Variants in GLI3 observed in about 807,000 individuals in gnomAD.
GLI3 encodes the protein GLI family zinc finger 3, also known as transcription activator GLI3.
Under a neutral mutation model 100.8 loss-of-function variants are expected in GLI3, and 20 were observed. The ratio of observed to expected loss-of-function variants is 0.20; its 90% confidence interval spans 0.14 to 0.29. The LOEUF (loss-of-function observed/expected upper bound fraction) is 0.29, where lower values mean the gene tolerates loss of function less well. GLI3 is among the 10% of genes least tolerant of loss of function. GLI3 has a pLI of 1.00. For missense variants in GLI3, 2,040 were observed against 2,128.5 expected (o/e 0.96, Z 0.82); for synonymous variants, 938 against 860.5 (o/e 1.09, Z -1.58).
chr7:41,999,861 G>GA (rs1351985198), intron 10 of GLI3, among the ~76,000 whole-genome samples: 1 of 152,100 alleles, frequency 6.6e-6, no homozygotes, highest in East Asian at 1.9e-4. Context: ...TACAGAATCA[G>GA]AAAAAAAGAG....
intron 10 of GLI3, among the ~76,000 whole-genome samples, chr7:41,984,993 G>A (rs1280499363): frequency 6.6e-6 from 1 of 152,186 alleles, no homozygotes; most frequent in East Asian, 1.9e-4. Flanking sequence ...TAGAATAAGG[G>A]CTTAGAAAGC....
At chr7:42,009,858 C>G (rs1788563757) in intron 10 of GLI3, among the ~76,000 whole-genome samples, 1 of 152,182 alleles carries the variant, frequency 6.6e-6, no homozygotes. Flanking sequence ...GATGTGCCTC[C>G]CCGTTCCTGG....
At chr7:42,025,996 G>A (rs1188148755) in intron 8 of GLI3, among the ~76,000 whole-genome samples, 1 of 152,180 alleles carries the variant, frequency 6.6e-6, no homozygotes, top group African/African-American at 2.4e-5. Context: ...AAATGACCCT[G>A]GGGGAAAAAA....
Position 42,261,551 on chromosome 7 carries a change from TG to T in GLI3, c.-43+2442del, listed in dbSNP as rs557914470. On this transcript the variant is annotated intron_variant, in intron 1 of 2. Transcript: ENST00000678978. Reference sequence around the variant, plus strand: ...GAGTCCCATTCTCATGAAACTTAGTTGGGGGAGTTACACAAGAAGTAAACAA... The same window carrying T: ...GAGTCCCATTCTCATGAAACTTAGTTGGGGAGTTACACAAGAAGTAAACAA... Among the ~76,000 whole-genome samples the T allele has an allele frequency of 3.3e-5, 5 of 152,272 alleles. No individual in the cohort carries two copies. In the East Asian group the frequency reaches 9.7e-4, roughly 29 times the overall value.
chr7:42,135,840 C>T (rs1459620681), intron 3 of GLI3, among the ~76,000 whole-genome samples: 1 of 151,470 alleles, frequency 6.6e-6, no homozygotes, highest in African/African-American at 2.4e-5. Context: ...ACCAAGATGC[C>T]TTTGTGGAAA....
chr7:42,026,271 C>T lies in GLI3; in HGVS notation c.1170G>A (p.Gln390=). The part of the protein sequence containing the change: ...LIHPAPTFPT[Q]RPIPGIPTVL... ...CCGTAGGGATCCCTGGAATAGGCCT[C>T]TGTGTTGGAAAAGTTGGGGCAGGGT... is the stretch of plus-strand genomic sequence containing the variant. The change falls in exon 8 of 15, where the codon CAG becomes CAA. Residue 390 remains glutamine (Q), a synonymous_variant. Transcript: ENST00000395925. 6.2e-7 allele frequency: 1 copy of T among 1,614,060 alleles called. No homozygotes were observed. Among genetic ancestry groups the T allele is most frequent in the Non-Finnish European group, 8.5e-7 (1 of 1,180,000 alleles).
intron 10 of GLI3, among the ~76,000 whole-genome samples, chr7:41,987,187 G>A (rs1420175859): frequency 1.3e-5 from 2 of 151,882 alleles, no homozygotes; most frequent in Non-Finnish European, 2.9e-5. Context: ...GAGACAGAGT[G>A]AGACAGAGTC....
At chr7:42,191,576 C>T (rs1787827853) in intron 2 of GLI3, among the ~76,000 whole-genome samples, 1 of 151,104 alleles carries the variant, frequency 6.6e-6, no homozygotes, top group African/African-American at 2.4e-5. Context: ...CGCTTGAACT[C>T]GGGAGGCAGA....
intron 10 of GLI3, among the ~76,000 whole-genome samples, chr7:41,986,711 G>A (rs1787832807): frequency 6.6e-6 from 1 of 152,094 alleles, no homozygotes; most frequent in African/African-American, 2.4e-5. Context: ...TTTCTTTGTA[G>A]GGTAAGGAAA....
rs1787126751 is a variant in GLI3 at position 41,965,165 on chromosome 7, T to G, written c.3908A>C (p.Glu1303Ala). ...GCCATTCACCATGCTGCCAGCTGACTCATTTGGCGCTACCGGCAGGCCGAA... is the reference window on the plus strand; with the variant it reads ...GCCATTCACCATGCTGCCAGCTGACGCATTTGGCGCTACCGGCAGGCCGAA... ...LNFGLPVAPN[E>A]SAGSMVNGMQ... Residue 1303 changes from glutamate (E) to alanine (A), a missense_variant, in exon 15 of 15, where the codon GAG becomes GCG. By Grantham distance (107) the Glu-to-Ala change is moderately radical. Around this residue, in one of 5 missense-constraint regions of GLI3, gnomAD observed 1,041 missense variants for 924.0 expected, o/e 1.13. Coordinates refer to ENST00000395925, the MANE Select transcript of GLI3 (RefSeq NM_000168.6). 1.2e-6 allele frequency: 2 copies of G among 1,613,854 alleles called. No individual in the cohort carries two copies. Among genetic ancestry groups the G allele is most frequent in the African/African-American group, 1.3e-5 (1 of 74,944 alleles).
chr7:42,089,284 C>T (rs181145003), intron 3 of GLI3, among the ~76,000 whole-genome samples: 1 of 152,302 alleles, frequency 6.6e-6, no homozygotes, highest in Admixed American at 6.5e-5. Context: ...GAGGGTGTGG[C>T]CTACACTCAT....
chr7:42,122,334 G>C (rs1270562626), intron 3 of GLI3, among the ~76,000 whole-genome samples: 1 of 141,286 alleles, frequency 7.1e-6, no homozygotes, highest in African/African-American at 2.7e-5. Context: ...ATTTTTATTA[G>C]AGAAGAACCA....
intron 11 of GLI3, 135 bp from the exon 12 acceptor site, chr7:41,977,857 A>G (rs1276919380): frequency 2.0e-5 from 16 of 782,816 alleles, no homozygotes; most frequent in Middle Eastern, 2.5e-4. Flanking sequence ...CAAAAAGTCC[A>G]CTAAACTCTG....
chr7:42,068,698 A>G (rs192150265), intron 4 of GLI3, among the ~76,000 whole-genome samples: 17 of 152,320 alleles, frequency 1.1e-4, no homozygotes, highest in Admixed American at 3.9e-4. Context: ...CCCCGAGGAA[A>G]GGTCTGAAAT....
In GLI3 at chr7:42,025,148, G is replaced by T. The variant is rs1022259976; in HGVS notation, c.1356+116C>A. ...GAGTACGGCCAAGGTCAACAATGCA[G>T]TGGACAAGGAACTGCCGTGAAAAAG... On this transcript the variant is annotated intron_variant, in intron 9 of 14. Transcript: ENST00000395925. 5 of 721,424 alleles carry T rather than the reference G, an allele frequency of 6.9e-6. No homozygotes were observed. The African/African-American group carries it at 8.7e-5, about 13-fold the overall frequency. The allele number at this position is 721,424 out of a possible 1,614,324, so 44.7% of individuals were successfully genotyped here.
At chr7:42,038,336 C>T (rs147261662) in intron 7 of GLI3, among the ~76,000 whole-genome samples, 1 of 152,226 alleles carries the variant, frequency 6.6e-6, no homozygotes. Flanking sequence ...TCAGCTCCCC[C>T]TGAAACTTCA....
chr7:42,021,354 C>T (rs563800339), intron 10 of GLI3, among the ~76,000 whole-genome samples: 10 of 152,174 alleles, frequency 6.6e-5, no homozygotes, highest in East Asian at 3.9e-4. Context: ...TGTATATGTG[C>T]GCATTCATAT....
intron 1 of GLI3, among the ~76,000 whole-genome samples, chr7:42,229,029 C>G (rs1290712860): frequency 2.6e-5 from 4 of 152,158 alleles, no homozygotes; most frequent in African/African-American, 4.8e-5. Flanking sequence ...ATTCCTTTAT[C>G]GTTTAAACAC....
upstream of GLI3, among the ~76,000 whole-genome samples, chr7:42,238,672 G>T (rs775723800): frequency 6.6e-6 from 1 of 151,996 alleles, no homozygotes; most frequent in African/African-American, 2.4e-5. Flanking sequence ...AAGTTATTTG[G>T]CCTCCTTCCT....
Sources: allele counts gnomAD v4.1 joint callset (sites outside exome capture counted in the v4.1 genomes callset), GRCh38; gene constraint gnomAD v4.1.1; regional missense constraint gnomAD v4.1.1; transcripts MANE v1.5; gene names NCBI Gene and HGNC (gene_info 2026-07-23, HGNC 2026-07-21).